TEX14: variants seen among roughly 807,000 people sequenced by gnomAD.
The protein encoded by TEX14 is inactive serine/threonine-protein kinase TEX14.
Under a neutral mutation model 178.6 loss-of-function variants are expected in TEX14, and 168 were observed. The ratio of observed to expected loss-of-function variants is 0.94; its 90% confidence interval spans 0.83 to 1.07. The LOEUF is 1.07. Among genes scored for constraint, TEX14 ranks in the 50% least tolerant of loss-of-function variants. TEX14 has a pLI of 0.00. For missense variants in TEX14, 1,730 were observed against 1,753.6 expected, an observed-to-expected ratio of 0.99 and a Z score of 0.24; for synonymous variants, 626 against 634.1, an observed-to-expected ratio of 0.99 and a Z score of 0.19.
At chr17:58,582,705 A>T (rs1404764534) in intron 19 of TEX14, among the ~76,000 whole-genome samples, 1 of 151,578 alleles carries the variant, frequency 6.6e-6, no homozygotes, top group Non-Finnish European at 1.5e-5. Context: ...CTGGGATCAC[A>T]GGTGTGTGCC....
chr17:58,581,095 G>A (rs374832430), intron 19 of TEX14, among the ~76,000 whole-genome samples: 9 of 152,170 alleles, frequency 5.9e-5, no homozygotes, highest in African/African-American at 2.2e-4. Flanking sequence ...GGCGGATCAC[G>A]AGTTCAGGAG....
At chr17:58,623,788 A>C (rs1272811519) in intron 3 of TEX14, among the ~76,000 whole-genome samples, 1 of 137,286 alleles carries the variant, frequency 7.3e-6, no homozygotes, top group African/African-American at 2.6e-5. Context: ...GAGAAGAAGG[A>C]GAAGATGAAG....
At position 58,613,536 on chromosome 17, in the gene TEX14, C is replaced by T. The variant is rs773123909; in HGVS notation, c.890G>A (p.Arg297Gln). The T allele has an allele frequency of 8.1e-6, 13 of 1,613,526 alleles. No homozygotes were observed. Among genetic ancestry groups the T allele is most frequent in the Admixed American group, 5.0e-5 (3 of 59,904 alleles). ...IAEQEHSSKL[R>Q]HPYLLQLMAV... The stretch of plus-strand genomic sequence containing the variant: ...CATCAACTGTAGCAAGTAGGGGTGC[C>T]GCAGCTTGCTGCAAAAGAAAAGAAG... Residue 297 changes from arginine (R) to glutamine (Q), a missense_variant, in exon 9 of 32, where the codon CGG becomes CAG. This residue lies in a region of TEX14 where 789 missense variants were observed against 681.2 expected (regional missense o/e 1.16). Coordinates refer to ENST00000349033, the MANE Select transcript of TEX14 (RefSeq NM_031272.5).
chr17:58,619,700 G>GCTGAGGCAGGAGAA (rs1458927017), intron 5 of TEX14, among the ~76,000 whole-genome samples: 1 of 151,464 alleles, frequency 6.6e-6, no homozygotes, highest in African/African-American at 2.4e-5. Flanking sequence ...TACTAAGGAG[G>GCTGAGGCAGGAGAA]CTGAGGCAGG....
chr17:58,616,388 G>A (rs1174933996), intron 6 of TEX14, 83 bp from the exon 7 acceptor site: 1 of 1,517,286 alleles, frequency 6.6e-7, no homozygotes, highest in East Asian at 2.3e-5. Flanking sequence ...CCAGCTAAAA[G>A]AATGAGAGCT....
At chr17:58,575,956 G>T (rs1043699000) in intron 21 of TEX14, among the ~76,000 whole-genome samples, 1 of 152,124 alleles carries the variant, frequency 6.6e-6, no homozygotes, top group Non-Finnish European at 1.5e-5. Context: ...GCAAATGGAG[G>T]CAATGGTATG....
Position 58,602,473 on chromosome 17 carries a change from C to T in TEX14, c.1454G>A (p.Gly485Asp). ...PKPYYDIVKS[G>D]IHVKQKDRTM... is the part of the protein sequence containing the mutation. ...TCGGTCTTTCTGCTTGACGTGGATGCCTGACTTAACAATATCATAGTAAGG... is the reference window on the plus strand; with the variant it reads ...TCGGTCTTTCTGCTTGACGTGGATGTCTGACTTAACAATATCATAGTAAGG... The change falls in exon 12 of 32, where the codon GGC becomes GAC. Residue 485 changes from glycine (G) to aspartate (D), a missense_variant. Gly to Asp is a moderately conservative substitution (Grantham distance 94, BLOSUM62 -1). Coordinates refer to ENST00000349033, the MANE Select transcript of TEX14 (RefSeq NM_031272.5). 1 of 1,613,902 alleles carries T rather than the reference C, an allele frequency of 6.2e-7. No homozygotes were observed. Among genetic ancestry groups the T allele is most frequent in the Non-Finnish European group, 8.5e-7 (1 of 1,179,982 alleles).
intron 1 of TEX14, chr17:58,660,852 T>A: frequency 1.3e-6 from 1 of 792,306 alleles, no homozygotes. Flanking sequence ...TGCGCCATGT[T>A]CCGAGTGAGA....
At chr17:58,646,970 A>G (rs1337445085) in intron 2 of TEX14, among the ~76,000 whole-genome samples, 1 of 150,636 alleles carries the variant, frequency 6.6e-6, no homozygotes, top group Admixed American at 6.6e-5. Flanking sequence ...CGATGGCACC[A>G]TCTCGGCTCA....
intron 5 of TEX14, among the ~76,000 whole-genome samples, chr17:58,618,799 T>G (rs903956286): frequency 1.3e-5 from 2 of 152,254 alleles, no homozygotes; most frequent in Non-Finnish European, 2.9e-5. Flanking sequence ...GTCTCTGCTT[T>G]AAGCTGCTAT....
intron 23 of TEX14, 45 bp from the exon 24 acceptor site, chr17:58,572,171 A>T: frequency 7.1e-7 from 1 of 1,413,602 alleles, no homozygotes; most frequent in Non-Finnish European, 9.7e-7. Flanking sequence ...CCTTTATATT[A>T]TTTCTCCTTT....
chr17:58,596,457 T>C (rs900788104), intron 14 of TEX14, among the ~76,000 whole-genome samples: 2 of 152,068 alleles, frequency 1.3e-5, no homozygotes, highest in Admixed American at 6.5e-5. Flanking sequence ...AATTTTGATA[T>C]CTTTTGTAGA....
At position 58,630,524 on chromosome 17, in the gene TEX14, C is replaced by A; in HGVS notation, c.167G>T (p.Gly56Val). 2 of 1,613,864 alleles carry A rather than the reference C, an allele frequency of 1.2e-6. No homozygotes were observed. The highest frequency in any genetic ancestry group is 1.7e-6 in the Non-Finnish European group (2 of 1,179,850). The change falls in exon 3 of 32, where the codon GGC becomes GTC. Residue 56 changes from glycine (G) to valine (V), a missense_variant. Around this residue, in one of 2 missense-constraint regions of TEX14, gnomAD observed 789 missense variants for 681.2 expected, o/e 1.16. Transcript: ENST00000349033. ...CGCCGCAACAAAAAGTGCTGTTTGG[C>A]CCAAGGAGTTAACTGCATCAACATA... ...GIYVDAVNSL[G>V]QTALFVAALL... is the part of the protein sequence containing the mutation.
Position 58,599,042 on chromosome 17 carries a change from C to T in TEX14, c.2303G>A (p.Arg768His), listed in dbSNP as rs202219643. 2.6e-5 allele frequency: 42 copies of T among 1,614,142 alleles called. No homozygotes were observed. In the Admixed American group the frequency reaches 2.8e-4, roughly 11 times the overall value. Reference sequence around the variant, plus strand: ...TCTTGAAGTGGCCCATAAAGACATGCGCTCTTCCTGTTCCTTCTGTTTCAT... The same window carrying T: ...TCTTGAAGTGGCCCATAAAGACATGTGCTCTTCCTGTTCCTTCTGTTTCAT... ...VEMKQKEQEE[R>H]MSLWATSREF... The change falls in exon 14 of 32, where the codon CGC (arginine) becomes CAC (histidine). Residue 768 changes from arginine (R) to histidine (H), a missense_variant. Coordinates refer to ENST00000349033, the MANE Select transcript of TEX14 (RefSeq NM_031272.5).
intron 1 of TEX14, chr17:58,675,143 C>T (rs568085962): frequency 4.7e-5 from 7 of 149,356 alleles, no homozygotes; most frequent in Non-Finnish European, 8.9e-5. Flanking sequence ...GAAACCATCT[C>T]CAAAAAAAAA....
chr17:58,565,645 G>A (rs1257627483), intron 27 of TEX14, 102 bp downstream of exon 27: 1 of 762,588 alleles, frequency 1.3e-6, no homozygotes, highest in Non-Finnish European at 2.3e-6. Flanking sequence ...TTGAGGTGGA[G>A]TTGTGCCTGA....
At chr17:58,662,912 G>A (rs1265888363) in intron 1 of TEX14, among the ~76,000 whole-genome samples, 1 of 151,908 alleles carries the variant, frequency 6.6e-6, no homozygotes, top group East Asian at 1.9e-4. Context: ...AAGGTCAGGA[G>A]ATCGAGACCA....
At chr17:58,636,965 G>A (rs1442308826) in intron 2 of TEX14, among the ~76,000 whole-genome samples, 2 of 151,692 alleles carry the variant, frequency 1.3e-5, no homozygotes, top group Admixed American at 6.6e-5. Flanking sequence ...GGTGGCTCAC[G>A]CCTGTAATCC....
Position 58,621,675 on chromosome 17 carries a change from A to T in TEX14, c.529T>A (p.Ser177Thr). 1 of 1,614,090 alleles carries T rather than the reference A, an allele frequency of 6.2e-7. No individual in the cohort carries two copies. The highest frequency in any genetic ancestry group is 8.5e-7 in the Non-Finnish European group (1 of 1,179,954). The part of the protein sequence containing the change: ...DSPQRLVYSP[S>T]WCGGLVQGNP... Reference sequence around the variant, plus strand: ...CCCTGCACGAGGCCCCCACACCAGGACGGGCTGTAGACAAGCCGCTGCGGG... The same window carrying T: ...CCCTGCACGAGGCCCCCACACCAGGTCGGGCTGTAGACAAGCCGCTGCGGG... The change falls in exon 5 of 32, where the codon TCC becomes ACC. Residue 177 changes from serine (S) to threonine (T), a missense_variant. Physicochemically the swap from Ser to Thr is moderately conservative, Grantham distance 58 (BLOSUM62 1). Transcript: ENST00000349033.
Sources: allele counts gnomAD v4.1 joint callset (sites outside exome capture counted in the v4.1 genomes callset), GRCh38; gene constraint gnomAD v4.1.1; regional missense constraint gnomAD v4.1.1; transcripts MANE v1.5; gene names NCBI Gene and HGNC (gene_info 2026-07-23, HGNC 2026-07-21).